The following TEX14 variants were observed in gnomAD, a reference collection of about 807,000 sequenced individuals.
TEX14 encodes the protein testis expressed 14, intercellular bridge forming factor.
In TEX14, 168 loss-of-function variants were observed where a neutral mutation model predicts 178.6. The observed-to-expected ratio is 0.94, with a 90% confidence interval of 0.83 to 1.07. The LOEUF is 1.07. Among genes scored for constraint, TEX14 ranks in the 50% least tolerant of loss-of-function variants. The pLI is 0.00. For missense variants in TEX14, 1,730 were observed against 1,753.6 expected (o/e 0.99, Z 0.24); for synonymous variants, 626 against 634.1 (o/e 0.99, Z 0.19).
intron 1 of TEX14, among the ~76,000 whole-genome samples, chr17:58,669,224 C>A (rs914570885): frequency 4.6e-5 from 7 of 151,910 alleles, no homozygotes; most frequent in Admixed American, 2.0e-4. Flanking sequence ...TGGTGGTACA[C>A]GCCTCTAATT....
At chr17:58,656,438 C>G (rs1661124445) in intron 1 of TEX14, among the ~76,000 whole-genome samples, 2 of 149,264 alleles carry the variant, frequency 1.3e-5, no homozygotes, top group Non-Finnish European at 1.5e-5. Flanking sequence ...GAGCAAGACT[C>G]TGTCTCAAAA....
Position 58,564,894 on chromosome 17 carries a change from C to T in TEX14, c.4039G>A (p.Glu1347Lys). ...CTCTCTGTGTCCTCTCCAAGATCTT[C>T]AGTTTCTTTGGACAAAAGCATACTA... ...DSSMLLSKETEDLGEDTERAH... is the reference protein window; with the variant it reads ...DSSMLLSKETKDLGEDTERAH... The change falls in exon 28 of 32, where the codon GAA becomes AAA. Residue 1347 changes from glutamate (E) to lysine (K), a missense_variant. By Grantham distance (56) the Glu-to-Lys change is moderately conservative. Around this residue, in one of 2 missense-constraint regions of TEX14, gnomAD observed 941 missense variants for 1,072.4 expected, o/e 0.88. Transcript: ENST00000349033. 6.2e-7 allele frequency: 1 copy of T among 1,604,690 alleles called. No individual in the cohort carries two copies. Among genetic ancestry groups the T allele is most frequent in the South Asian group, 1.1e-5 (1 of 89,472 alleles).
chr17:58,598,935 C>G lies in TEX14; in HGVS notation c.2410G>C (p.Gly804Arg), dbSNP rs1307301917. The G allele has an allele frequency of 2.5e-6, 4 of 1,614,146 alleles. No individual in the cohort carries two copies. The highest frequency in any genetic ancestry group is 3.4e-6 in the Non-Finnish European group (4 of 1,180,004). Residue 804 changes from glycine to arginine, a missense_variant, in exon 14 of 32, where the codon GGG (glycine) becomes CGG (arginine). By Grantham distance (125) the Gly-to-Arg change is moderately radical. Transcript: ENST00000349033. ...NYIPPVLQLS[G>R]GQKPDTSGNY... Reference sequence around the variant, plus strand: ...CCACTGGTGTCTGGCTTCTGACCCCCTGAAAGCTGTAGGACAGGAGGAATA... The same window carrying G: ...CCACTGGTGTCTGGCTTCTGACCCCGTGAAAGCTGTAGGACAGGAGGAATA...
At chr17:58,559,706 A>C in intron 29 of TEX14, 144 bp from the exon 30 acceptor site, 1 of 603,342 alleles carries the variant, frequency 1.7e-6, no homozygotes, top group South Asian at 2.1e-5. Flanking sequence ...TTCTCTATGC[A>C]CCAGGCATTG....
At chr17:58,590,238 C>T (rs907526106) in intron 15 of TEX14, among the ~76,000 whole-genome samples, 27 of 126,412 alleles carry the variant, frequency 2.1e-4, no homozygotes, top group African/African-American at 8.1e-4. Flanking sequence ...TCCAGCCTGG[C>T]GACATAGCAA....
chr17:58,653,890 G>A (rs566186844), intron 1 of TEX14, among the ~76,000 whole-genome samples: 33 of 152,216 alleles, frequency 2.2e-4, no homozygotes, highest in African/African-American at 7.9e-4. Context: ...TTAAAGAATT[G>A]GAGAAACTGG....
At chr17:58,591,280 G>A (rs2045132729) in intron 15 of TEX14, among the ~76,000 whole-genome samples, 1 of 152,208 alleles carries the variant, frequency 6.6e-6, no homozygotes, top group Non-Finnish European at 1.5e-5. Context: ...CACTTTGGGA[G>A]GCCAAGGTGG....
intron 19 of TEX14, chr17:58,581,697 A>G (rs1567717777): frequency 6.2e-7 from 1 of 1,613,538 alleles, no homozygotes; most frequent in Non-Finnish European, 8.5e-7. Flanking sequence ...TCCTCAGAAG[A>G]CTCTGGTGAA....
chr17:58,654,453 G>A (rs1198949025), intron 1 of TEX14, among the ~76,000 whole-genome samples: 1 of 150,406 alleles, frequency 6.6e-6, no homozygotes, highest in Non-Finnish European at 1.5e-5. Flanking sequence ...CCCGCTTATA[G>A]GCATGGACCT....
At chr17:58,659,226 G>GCAAACGCATCC (rs1555582262) in intron 1 of TEX14, 2 of 194,530 alleles carry the variant, frequency 1.0e-5, no homozygotes, top group Admixed American at 1.2e-4. Context: ...AATCGCGGGA[G>GCAAACGCATCC]CAAACACATA....
At chr17:58,570,334 T>C in intron 25 of TEX14, 51 bp downstream of exon 25, 4 of 1,238,280 alleles carry the variant, frequency 3.2e-6, no homozygotes, top group Non-Finnish European at 4.4e-6. Flanking sequence ...TAAGCATCAA[T>C]TTAAGCCTCC....
intron 10 of TEX14, among the ~76,000 whole-genome samples, chr17:58,606,719 G>A (rs2144499111): frequency 6.6e-6 from 1 of 151,522 alleles, no homozygotes; most frequent in African/African-American, 2.4e-5. Context: ...GGGTAACAGA[G>A]TGAGACTCCA....
chr17:58,679,319 C>A (rs2047449265), intron 1 of TEX14, among the ~76,000 whole-genome samples: 1 of 152,126 alleles, frequency 6.6e-6, no homozygotes, highest in African/African-American at 2.4e-5. Context: ...TATTCAACTG[C>A]GTACTTCTGA....
At chr17:58,669,726 T>C (rs1422208195) in intron 1 of TEX14, among the ~76,000 whole-genome samples, 12 of 93,284 alleles carry the variant, frequency 1.3e-4, no homozygotes, top group African/African-American at 5.0e-4. Context: ...AGAGAGAGAC[T>C]CCGTCTCAAA....
chr17:58,570,362 T>C, intron 25 of TEX14, 23 bp downstream of exon 25: 1 of 1,449,348 alleles, frequency 6.9e-7, no homozygotes, highest in Non-Finnish European at 9.1e-7. Flanking sequence ...TAAACTTCTA[T>C]TTTGATATTA....
chr17:58,577,776 A>C (rs1567715909), intron 20 of TEX14, among the ~76,000 whole-genome samples: 1 of 152,228 alleles, frequency 6.6e-6, no homozygotes, highest in Non-Finnish European at 1.5e-5. Context: ...TTAAGAAGGC[A>C]AACTGACCCG....
chr17:58,585,430 T>C lies in TEX14; in HGVS notation c.3070+371A>G, dbSNP rs2044931326. On this transcript the variant is annotated intron_variant, in intron 18 of 31. Transcript: ENST00000349033. Reference sequence around the variant, plus strand: ...CTGGAAAGTTTACTTTTTTGAGAGCTGATAACTTTTTTTTACTTTTATTTT... The same window carrying C: ...CTGGAAAGTTTACTTTTTTGAGAGCCGATAACTTTTTTTTACTTTTATTTT... Among the ~76,000 whole-genome samples, 3 of 151,912 alleles carry C rather than the reference T, an allele frequency of 2.0e-5. No homozygotes were observed. In the South Asian group the frequency reaches 6.2e-4, roughly 32 times the overall value.
At chr17:58,672,145 T>A (rs1304460845) in intron 1 of TEX14, among the ~76,000 whole-genome samples, 1 of 152,094 alleles carries the variant, frequency 6.6e-6, no homozygotes, top group Non-Finnish European at 1.5e-5. Flanking sequence ...GGTTTCACGC[T>A]CCTATGAGAA....
intron 11 of TEX14, among the ~76,000 whole-genome samples, chr17:58,603,738 C>T (rs898948819): frequency 1.3e-5 from 2 of 148,344 alleles, no homozygotes; most frequent in African/African-American, 5.0e-5. Flanking sequence ...CCTGTAGTCC[C>T]AGTTACTTGG....
Sources: gnomAD v4.1 joint callset for allele counts (sites outside exome capture counted in the v4.1 genomes callset) on GRCh38, gnomAD v4.1.1 for gene constraint, gnomAD v4.1.1 regional missense constraint, MANE v1.5 for transcripts, NCBI Gene and HGNC (gene_info 2026-07-23, HGNC 2026-07-21) for gene names.